The following MYO18A variants were observed in gnomAD, a reference collection of about 807,000 sequenced individuals.
The protein encoded by MYO18A is myosin XVIIIA, also known as unconventional myosin-XVIIIa.
MYO18A carries 78 observed loss-of-function variants against 235.8 expected under a neutral mutation model. The observed-to-expected ratio is 0.33, with a 90% CI of 0.28 to 0.40. The LOEUF (loss-of-function observed/expected upper bound fraction) is 0.40, where lower values mean the gene tolerates loss of function less well. Among genes scored for constraint, MYO18A ranks in the 10% least tolerant of loss-of-function variants. The pLI is 1.00. For synonymous variants in MYO18A, 977 were observed against 1,077.8 expected (o/e 0.91, Z 1.83); for missense variants, 2,215 against 2,699.3 (o/e 0.82, Z 3.98).
At chr17:29,085,753 C>T in intron 39 of MYO18A, 105 bp from the exon 40 acceptor site, 4 of 1,143,102 alleles carry the variant, frequency 3.5e-6, no homozygotes, top group African/African-American at 3.0e-5. Flanking sequence ...CTTCCCTCAG[C>T]AAGAGCCAGC....
At chr17:29,088,115 G>A (rs1042295311) in intron 37 of MYO18A, among the ~76,000 whole-genome samples, 2 of 147,344 alleles carry the variant, frequency 1.4e-5, no homozygotes, top group South Asian at 2.1e-4. Context: ...GTGCAGTGGC[G>A]CGATCTCCGC....
Position 29,115,451 on chromosome 17 carries a change from A to AG in MYO18A, c.2228-11dup, listed in dbSNP as rs1875435466. On this transcript the variant is annotated splice_polypyrimidine_tract_variant and intron_variant, in intron 12 of 41. Coordinates refer to ENST00000527372, the MANE Select transcript of MYO18A (RefSeq NM_078471.4). ...GCACTCAGTTTCGGGCCTGTGGGGCAGGGGGAGCAGCGCTATCTCCTTCTC... is the reference window on the plus strand; with the variant it reads ...GCACTCAGTTTCGGGCCTGTGGGGCAGGGGGGAGCAGCGCTATCTCCTTCTC... 2 of 1,612,342 alleles carry AG rather than the reference A, an allele frequency of 1.2e-6. No individual in the cohort carries two copies. The highest frequency in any genetic ancestry group is 1.7e-6 in the Non-Finnish European group (2 of 1,179,354).
At chr17:29,096,320 A>AC (rs1310837081) in intron 28 of MYO18A, among the ~76,000 whole-genome samples, 1 of 151,832 alleles carries the variant, frequency 6.6e-6, no homozygotes, top group Non-Finnish European at 1.5e-5. Flanking sequence ...TGTGAGGGCC[A>AC]CCCCCCTCCT....
At chr17:29,136,812 G>A (rs2067614745) in intron 2 of MYO18A, among the ~76,000 whole-genome samples, 1 of 152,196 alleles carries the variant, frequency 6.6e-6, no homozygotes, top group South Asian at 2.1e-4. Context: ...AACTTCATCG[G>A]CGTGAAGGTT....
At chr17:29,081,373 A>G (rs948326447) in intron 41 of MYO18A, among the ~76,000 whole-genome samples, 4 of 152,184 alleles carry the variant, frequency 2.6e-5, no homozygotes, top group Non-Finnish European at 4.4e-5. Context: ...GGAAGCCGGC[A>G]TTATCTGCAA....
At chr17:29,110,241 C>G in intron 18 of MYO18A, 140 bp from the exon 19 acceptor site, 1 of 1,352,620 alleles carries the variant, frequency 7.4e-7, no homozygotes, top group Non-Finnish European at 9.9e-7. Context: ...CTGGACAACT[C>G]TGCCCTCGCC....
At chr17:29,091,238 T>C in intron 34 of MYO18A, 1 of 354,094 alleles carries the variant, frequency 2.8e-6, no homozygotes. Context: ...CCCATCATCC[T>C]GGCACTATCA....
intron 2 of MYO18A, among the ~76,000 whole-genome samples, chr17:29,143,419 T>C (rs1273102802): frequency 6.6e-6 from 1 of 150,496 alleles, no homozygotes; most frequent in Non-Finnish European, 1.5e-5. Flanking sequence ...TTTTTTTTTT[T>C]TTTGCACAGA....
intron 2 of MYO18A, 138 bp downstream of exon 2, chr17:29,165,804 C>G: frequency 1.2e-6 from 1 of 849,458 alleles, no homozygotes; most frequent in Non-Finnish European, 1.8e-6. Context: ...CCCACAGGCT[C>G]AGAGAGCAGC....
intron 37 of MYO18A, among the ~76,000 whole-genome samples, chr17:29,087,618 T>C (rs2066286632): frequency 1.3e-5 from 2 of 152,154 alleles, no homozygotes; most frequent in Admixed American, 1.3e-4. Context: ...TCTCTAAGCC[T>C]AATGAATCTC....
At chr17:29,116,385 C>T in intron 11 of MYO18A, 59 bp downstream of exon 11, 1 of 1,604,644 alleles carries the variant, frequency 6.2e-7, no homozygotes, top group East Asian at 2.2e-5. Context: ...ATATGTGCCT[C>T]AGCCAACATG....
intron 2 of MYO18A, among the ~76,000 whole-genome samples, chr17:29,159,326 A>G (rs1445797246): frequency 6.6e-6 from 1 of 152,054 alleles, no homozygotes; most frequent in South Asian, 2.1e-4. Flanking sequence ...CCCTGCCCCC[A>G]GCCCTTCATT....
Position 29,087,354 on chromosome 17 carries a change from T to C in MYO18A, c.5527-233A>G, listed in dbSNP as rs1287197740. On this transcript the variant is annotated intron_variant, in intron 37 of 41. Transcript: ENST00000527372. The stretch of plus-strand genomic sequence containing the variant: ...GGATGAATAAGGTAATGAATGTGAA[T>C]GCACTCTGAAAGATGAAAGGTGCTA... Among the ~76,000 whole-genome samples the C allele has an allele frequency of 3.3e-5, 5 of 152,306 alleles. No individual in the cohort carries two copies. In the South Asian group the frequency reaches 8.3e-4, roughly 25 times the overall value.
In MYO18A at chr17:29,073,193, C is replaced by T. The variant is rs1289276531; in HGVS notation, c.*1577G>A. On this transcript the variant is annotated 3_prime_UTR_variant, in exon 42 of 42. Transcript: ENST00000527372. The stretch of plus-strand genomic sequence containing the variant: ...GGTGAGATTTAACAATCAGAGGGAC[C>T]TCAACATTCCCTTGTGGAGGCTAGG... The T allele has an allele frequency of 1.3e-5, 2 of 152,130 alleles. No homozygotes were observed. The highest frequency in any genetic ancestry group is 4.8e-5 in the African/African-American group (2 of 41,388). 9.4% of individuals were successfully genotyped at this position (152,130 alleles called of 1,614,324 possible).
intron 20 of MYO18A, among the ~76,000 whole-genome samples, chr17:29,105,067 G>C (rs2066748202): frequency 6.6e-6 from 1 of 151,354 alleles, no homozygotes; most frequent in Non-Finnish European, 1.5e-5. Flanking sequence ...AGCTACTTGG[G>C]AGGCTGAGGC....
rs183369721 is a variant in MYO18A, at chr17:29,090,773, C to T, written c.5304+37G>A. The T allele has an allele frequency of 7.3e-5, 116 of 1,580,116 alleles. No homozygotes were observed. In the African/African-American group the frequency reaches 1.1e-3, roughly 15 times the overall value. On this transcript the variant is annotated intron_variant, in intron 35 of 41. Transcript: ENST00000527372. ...ATGAGGAGGACCACAAGGATGGTGA[C>T]GGTGCAGAGTGTGACGGGCACTCCT...
chr17:29,132,392 C>G (rs2067493609), intron 2 of MYO18A, among the ~76,000 whole-genome samples: 1 of 152,232 alleles, frequency 6.6e-6, no homozygotes, highest in Admixed American at 6.5e-5. Context: ...AAAGCTCAGG[C>G]AGTCCTATGG....
rs894250769 is a variant in MYO18A at position 29,126,323 on chromosome 17, CGGGGAGGAGGGA to C, written c.1000-4082_1000-4071del. On this transcript the variant is annotated intron_variant, in intron 2 of 41. Coordinates refer to ENST00000527372, the MANE Select transcript of MYO18A (RefSeq NM_078471.4). The surrounding 1 kb of genome is among the most constrained non-coding windows in gnomAD (Gnocchi z 4.1). Reference sequence around the variant, plus strand: ...GAGGAGGAGGGACGGGGAGGAGGGACGGGGAGGAGGGAGGGGAGGGCAGCCGCCCGGGAACAG... The same window carrying C: ...GAGGAGGAGGGACGGGGAGGAGGGACGGGGAGGGCAGCCGCCCGGGAACAG... 5.9e-4 allele frequency among the ~76,000 whole-genome samples: 48 copies of C among 81,300 alleles called. No individual in the cohort carries two copies. Among genetic ancestry groups the C allele is most frequent in the Non-Finnish European group, 1.1e-3 (44 of 41,446 alleles). 53.3% of individuals were successfully genotyped at this position (81,300 alleles called of 152,430 possible).
chr17:29,179,888 G>T (rs377447801), intron 1 of MYO18A, among the ~76,000 whole-genome samples: 13 of 152,072 alleles, frequency 8.5e-5, no homozygotes, highest in African/African-American at 2.9e-4. Flanking sequence ...CTTCCTCAGC[G>T]CCCCGCTCTC....
Sources: gnomAD v4.1 joint callset for allele counts (sites outside exome capture counted in the v4.1 genomes callset) on GRCh38, gnomAD v4.1.1 for gene constraint, Gnocchi (gnomAD v3.1) non-coding constraint, MANE v1.5 for transcripts, NCBI Gene and HGNC (gene_info 2026-07-23, HGNC 2026-07-21) for gene names.